Variants in NPSR1 observed in about 807,000 individuals in gnomAD.
NPSR1 encodes the protein neuropeptide S receptor 1.
In NPSR1, 48 loss-of-function variants were observed where a neutral mutation model predicts 46.9. The observed-to-expected ratio is 1.02, with a 90% CI of 0.81 to 1.30. NPSR1 has a LOEUF of 1.30. NPSR1 is among the 50% of genes most tolerant of loss of function. The pLI is 0.00. For missense variants in NPSR1, 450 were observed against 449.5 expected (o/e 1.00, Z -0.01); for synonymous variants, 176 against 168.1 (o/e 1.05, Z -0.36).
chr7:34,662,292 GAC>G (rs1435610339), intron 1 of NPSR1, among the ~76,000 whole-genome samples: 1 of 152,130 alleles, frequency 6.6e-6, no homozygotes, highest in African/African-American at 2.4e-5. Flanking sequence ...AGGGTGATTT[GAC>G]ACAGTTTGTT....
At chr7:34,695,469 T>G (rs1793471236) in intron 2 of NPSR1, among the ~76,000 whole-genome samples, 1 of 152,100 alleles carries the variant, frequency 6.6e-6, no homozygotes, top group South Asian at 2.1e-4. Flanking sequence ...TGGAACTTAT[T>G]TAAATTAAAA....
At chr7:34,805,946 A>G (rs1328085047) in intron 3 of NPSR1, among the ~76,000 whole-genome samples, 3 of 152,206 alleles carry the variant, frequency 2.0e-5, no homozygotes, top group South Asian at 2.1e-4. Flanking sequence ...ATATGCCATT[A>G]GGGAATTGCA....
chr7:34,739,680 T>C (rs1784845511), intron 2 of NPSR1, among the ~76,000 whole-genome samples: 1 of 152,172 alleles, frequency 6.6e-6, no homozygotes. Context: ...ATCTCTCTTT[T>C]GGATCTAGCC....
intron 3 of NPSR1, chr7:34,779,574 A>G: frequency 7.9e-7 from 1 of 1,270,664 alleles, no homozygotes; most frequent in Non-Finnish European, 1.0e-6. Context: ...CATATTCAGA[A>G]AATGAATATG....
chr7:34,785,153 G>A (rs324993), intron 3 of NPSR1, among the ~76,000 whole-genome samples: 8 of 151,034 alleles, frequency 5.3e-5, no homozygotes, highest in African/African-American at 1.9e-4. Context: ...AATGATAGAC[G>A]GGATTAAGAA....
In NPSR1 at chr7:34,827,482, AGAG is replaced by A. The variant is rs780701514; in HGVS notation, c.563_565del (p.Arg188del). 6.2e-7 allele frequency: 1 copy of A among 1,614,124 alleles called. No homozygotes were observed. Among genetic ancestry groups the A allele is most frequent in the Non-Finnish European group, 8.5e-7 (1 of 1,179,994 alleles). ...ATTCCCACCCTGATCATATTTGGGA[AGAG>A]GACACTGTCCAACGGTGAAGTGCAG... On this transcript the variant is annotated inframe_deletion, in exon 5 of 9. Transcript: ENST00000360581.
At chr7:34,820,082 A>T (rs6976985) in intron 4 of NPSR1, among the ~76,000 whole-genome samples, 5,602 of 152,288 alleles carry the variant, frequency 0.037, 333 homozygotes, top group African/African-American at 0.13. Context: ...ATTTGCTAAC[A>T]AGATAAACCT....
intron 3 of NPSR1, among the ~76,000 whole-genome samples, chr7:34,799,554 C>T (rs1031095465): frequency 6.6e-6 from 1 of 150,686 alleles, no homozygotes; most frequent in Admixed American, 6.6e-5. Context: ...CCTAAAAGAG[C>T]TCCTGAAGGA....
intron 2 of NPSR1, among the ~76,000 whole-genome samples, chr7:34,706,812 ATCTC>A (rs970092305): frequency 1.3e-5 from 2 of 151,966 alleles, no homozygotes; most frequent in East Asian, 1.9e-4. Flanking sequence ...ATGCTAGGAA[ATCTC>A]TCTCTGTCTC....
chr7:34,809,426 G>A (rs1788872115), intron 3 of NPSR1, among the ~76,000 whole-genome samples: 1 of 150,834 alleles, frequency 6.6e-6, no homozygotes, highest in Non-Finnish European at 1.5e-5. Flanking sequence ...TGTGTCATGG[G>A]GGTTTGTTGT....
At chr7:34,864,790 AC>A (rs1396301508) in intron 8 of NPSR1, among the ~76,000 whole-genome samples, 1 of 151,894 alleles carries the variant, frequency 6.6e-6, no homozygotes, top group Non-Finnish European at 1.5e-5. Context: ...AACAAATGTG[AC>A]TTGTGCCTAC....
chr7:34,847,213 G>A (rs10250709), intron 7 of NPSR1, among the ~76,000 whole-genome samples: 50,386 of 151,992 alleles, frequency 0.33, 8,689 homozygotes, highest in Middle Eastern at 0.42. Context: ...CAGTTATGAC[G>A]GAAAGCTTGT....
intron 2 of NPSR1, among the ~76,000 whole-genome samples, chr7:34,703,191 C>G (rs1260192986): frequency 1.3e-5 from 2 of 152,122 alleles, no homozygotes; most frequent in Non-Finnish European, 2.9e-5. Context: ...AACCCCGTCT[C>G]TACTAAAAAT....
chr7:34,795,652 C>T (rs555895500), intron 3 of NPSR1, among the ~76,000 whole-genome samples: 30 of 152,082 alleles, frequency 2.0e-4, no homozygotes, highest in Non-Finnish European at 3.7e-4. Context: ...ACAATATTAT[C>T]TGCATTAGCA....
intron 8 of NPSR1, among the ~76,000 whole-genome samples, chr7:34,871,845 A>G (rs1403923741): frequency 6.6e-6 from 1 of 151,920 alleles, no homozygotes; most frequent in East Asian, 1.9e-4. Flanking sequence ...AGGGTGCAGT[A>G]CACATGGCTG....
intron 3 of NPSR1, among the ~76,000 whole-genome samples, chr7:34,791,114 TA>T (rs1412616722): frequency 1.3e-4 from 11 of 86,692 alleles, no homozygotes; most frequent in African/African-American, 4.7e-4. Context: ...ATATGTTATA[TA>T]ATATAATATA....
chr7:34,845,044 C>A, intron 7 of NPSR1, 62 bp downstream of exon 7: 1 of 1,096,922 alleles, frequency 9.1e-7, no homozygotes, highest in Non-Finnish European at 1.4e-6. Context: ...AAGTTTGCTC[C>A]TGGGACCTGG....
chr7:34,878,128 C>A (rs7809642), exon 9 of NPSR1: 117,134 of 1,598,882 alleles, frequency 0.073, 5,189 homozygotes, highest in Middle Eastern at 0.13. Context: ...CTGCCCTCAA[C>A]GAGAGAACTG....
chr7:34,683,392 A>C (rs527691804), intron 1 of NPSR1, among the ~76,000 whole-genome samples: 143 of 151,044 alleles, frequency 9.5e-4, no homozygotes, highest in African/African-American at 3.0e-3. Context: ...GCTTGCAGTG[A>C]GCTAAGGTCA....
Sources: allele counts gnomAD v4.1 joint callset (sites outside exome capture counted in the v4.1 genomes callset), GRCh38; gene constraint gnomAD v4.1.1; transcripts MANE v1.5; gene names NCBI Gene and HGNC (gene_info 2026-07-23, HGNC 2026-07-21).